ARFGEF2: variants seen among roughly 807,000 people sequenced by gnomAD.
ARFGEF2 encodes brefeldin A-inhibited guanine nucleotide-exchange protein 2.
Under a neutral mutation model 219.9 loss-of-function variants are expected in ARFGEF2, and 74 were observed. The observed-to-expected ratio is 0.34, with a 90% CI of 0.28 to 0.41. The LOEUF (loss-of-function observed/expected upper bound fraction) is 0.41. ARFGEF2 is among the 10% of genes least tolerant of loss of function. ARFGEF2 has a pLI of 1.00. For synonymous variants in ARFGEF2, 733 were observed against 799.2 expected, an observed-to-expected ratio of 0.92 and a Z score of 1.40; for missense variants, 1,743 against 2,218.3, an observed-to-expected ratio of 0.79 and a Z score of 4.30.
At chr20:49,013,421 G>T in intron 28 of ARFGEF2, 143 bp from the exon 29 acceptor site, 1 of 1,003,420 alleles carries the variant, frequency 1.0e-6, no homozygotes, top group South Asian at 1.3e-5. Flanking sequence ...ATGTCTTTGT[G>T]TAGTCTGTTC....
chr20:49,032,664 T>A (rs1239923992), intron 38 of ARFGEF2, among the ~76,000 whole-genome samples: 1 of 151,814 alleles, frequency 6.6e-6, no homozygotes, highest in Non-Finnish European at 1.5e-5. Flanking sequence ...GTAATCTAGC[T>A]CACTGCAATT....
chr20:48,965,538 C>G (rs960552467), intron 7 of ARFGEF2, among the ~76,000 whole-genome samples: 1 of 152,044 alleles, frequency 6.6e-6, no homozygotes, highest in African/African-American at 2.4e-5. Context: ...AAATCTGTAC[C>G]TTTCATGTTT....
intron 22 of ARFGEF2, 131 bp from the exon 23 acceptor site, chr20:48,995,652 G>C: frequency 6.1e-6 from 5 of 823,356 alleles, no homozygotes; most frequent in Non-Finnish European, 1.0e-5. Context: ...GTGGGTTTTT[G>C]TTTCTTTTTT....
chr20:49,031,969 C>A, intron 37 of ARFGEF2, 80 bp from the exon 38 acceptor site: 2 of 1,025,272 alleles, frequency 2.0e-6, no homozygotes, highest in Non-Finnish European at 1.5e-6. Context: ...TTAAAAATAG[C>A]ACAAGAATGA....
chr20:48,971,920 C>T (rs2091231033), intron 10 of ARFGEF2, among the ~76,000 whole-genome samples: 1 of 152,152 alleles, frequency 6.6e-6, no homozygotes, highest in Non-Finnish European at 1.5e-5. Flanking sequence ...AAGTTACTGC[C>T]CCCGGATCTT....
At chr20:49,027,484 G>T (rs947484376) in intron 36 of ARFGEF2, among the ~76,000 whole-genome samples, 1 of 152,032 alleles carries the variant, frequency 6.6e-6, no homozygotes, top group Admixed American at 6.6e-5. Flanking sequence ...ATCACTTAAA[G>T]TCAGGGGTTC....
intron 10 of ARFGEF2, among the ~76,000 whole-genome samples, chr20:48,971,998 T>C (rs1482202617): frequency 6.6e-6 from 1 of 152,220 alleles, no homozygotes; most frequent in Non-Finnish European, 1.5e-5. Context: ...ATCTGTTTGG[T>C]CTGTAAATTG....
intron 6 of ARFGEF2, among the ~76,000 whole-genome samples, chr20:48,963,173 C>G (rs2091164525): frequency 1.5e-5 from 1 of 67,024 alleles, no homozygotes; most frequent in African/African-American, 1.0e-4. Flanking sequence ...AAAACTCTGT[C>G]TCAAAAAAAA....
At chr20:49,019,659 C>G (rs2091553429) in intron 34 of ARFGEF2, among the ~76,000 whole-genome samples, 1 of 152,152 alleles carries the variant, frequency 6.6e-6, no homozygotes, top group African/African-American at 2.4e-5. Flanking sequence ...CTATCTATTA[C>G]ATTTGTAGCT....
intron 35 of ARFGEF2, among the ~76,000 whole-genome samples, chr20:49,023,600 G>T (rs1458530482): frequency 6.7e-6 from 1 of 150,284 alleles, no homozygotes; most frequent in African/African-American, 2.4e-5. Flanking sequence ...GTGCAGTGGC[G>T]CGATCTCGGC....
intron 11 of ARFGEF2, 41 bp from the exon 12 acceptor site, chr20:48,973,104 A>G: frequency 6.2e-7 from 1 of 1,612,792 alleles, no homozygotes; most frequent in Non-Finnish European, 8.5e-7. Context: ...CCTAACTGCT[A>G]TTTGATCAGA....
chr20:48,999,731 AGC>A (rs2091413378), intron 25 of ARFGEF2, among the ~76,000 whole-genome samples: 1 of 145,140 alleles, frequency 6.9e-6, no homozygotes, highest in Non-Finnish European at 1.5e-5. Context: ...TGGGCGACAG[AGC>A]GAGACTCCGT....
At chr20:48,950,807 A>ATAT (rs2091063070) in intron 3 of ARFGEF2, among the ~76,000 whole-genome samples, 7 of 44,800 alleles carry the variant, frequency 1.6e-4, no homozygotes, top group Non-Finnish European at 2.7e-4. Context: ...AAAAAAAAAA[A>ATAT]AAAAATATAT....
intron 14 of ARFGEF2, among the ~76,000 whole-genome samples, chr20:48,981,000 T>C (rs915845793): frequency 2.0e-5 from 3 of 152,236 alleles, no homozygotes; most frequent in Admixed American, 6.5e-5. Context: ...AATATTGTTA[T>C]GTGTGAATTT....
chr20:48,968,064 G>C (rs1440924618), intron 8 of ARFGEF2, among the ~76,000 whole-genome samples: 3 of 152,074 alleles, frequency 2.0e-5, no homozygotes, highest in African/African-American at 7.2e-5. Flanking sequence ...CGCAATCTTG[G>C]CTCACTGCAA....
At chr20:48,938,515 A>C (rs2090974063) in intron 1 of ARFGEF2, among the ~76,000 whole-genome samples, 1 of 152,232 alleles carries the variant, frequency 6.6e-6, no homozygotes, top group Non-Finnish European at 1.5e-5. Flanking sequence ...TAGTCAAATC[A>C]GGGTAGCTGG....
At chr20:48,928,134 A>C (rs1036581785) in intron 1 of ARFGEF2, among the ~76,000 whole-genome samples, 2 of 151,640 alleles carry the variant, frequency 1.3e-5, no homozygotes, top group African/African-American at 4.8e-5. Context: ...AGTAACTGGC[A>C]CAGTACCTGG....
At position 49,025,979 on chromosome 20, in the gene ARFGEF2, C is replaced by G. The variant is rs6122743; in HGVS notation, c.4924+498C>G. On this transcript the variant is annotated intron_variant, in intron 36 of 38. Coordinates refer to ENST00000371917, the MANE Select transcript of ARFGEF2 (RefSeq NM_006420.3). Reference sequence around the variant, plus strand: ...CCTGAGTGACAGAGCAAGACTCCATCTGGAAAAAAAAAAAAAAAAGACAAA... The same window carrying G: ...CCTGAGTGACAGAGCAAGACTCCATGTGGAAAAAAAAAAAAAAAAGACAAA... Among the ~76,000 whole-genome samples, 277 of 130,060 alleles carry G rather than the reference C, an allele frequency of 2.1e-3. 1 individual carries two copies. The highest frequency in any genetic ancestry group is 7.1e-3 in the African/African-American group (264 of 37,442). 85.3% of individuals were successfully genotyped at this position (130,060 alleles called of 152,430 possible).
intron 9 of ARFGEF2, among the ~76,000 whole-genome samples, chr20:48,970,844 A>G (rs1050195259): frequency 5.3e-5 from 8 of 152,038 alleles, no homozygotes; most frequent in African/African-American, 1.9e-4. Flanking sequence ...ACAGTTGCAG[A>G]ACTCGCTCTC....
Sources: allele counts gnomAD v4.1 joint callset (sites outside exome capture counted in the v4.1 genomes callset), GRCh38; gene constraint gnomAD v4.1.1; transcripts MANE v1.5; gene names NCBI Gene and HGNC (gene_info 2026-07-23, HGNC 2026-07-21).